GSPT1: variants seen among roughly 807,000 people sequenced by gnomAD.
The protein encoded by GSPT1 is G1 to S phase transition 1.
A neutral mutation model predicts 72.5 loss-of-function variants in GSPT1; 20 were observed. That is an observed-to-expected ratio of 0.28 (90% confidence interval 0.19 to 0.40). GSPT1 has a LOEUF of 0.40. GSPT1 is among the 10% of genes least tolerant of loss of function. The pLI, the probability that GSPT1 is intolerant of heterozygous loss-of-function variation, is 1.00. For synonymous variants in GSPT1, 334 were observed against 293.5 expected, an observed-to-expected ratio of 1.14 and a Z score of -1.41; for missense variants, 580 against 811.9, an observed-to-expected ratio of 0.71 and a Z score of 3.47.
At chr16:11,883,172 C>A in intron 10 of GSPT1, 77 bp from the exon 11 acceptor site, 1 of 838,634 alleles carries the variant, frequency 1.2e-6, no homozygotes, top group Non-Finnish European at 2.0e-6. Context: ...AAGTGAAATT[C>A]TACACTGCTT....
intron 11 of GSPT1, among the ~76,000 whole-genome samples, chr16:11,878,960 C>T (rs2054084171): frequency 6.6e-6 from 1 of 151,646 alleles, no homozygotes; most frequent in Non-Finnish European, 1.5e-5. Context: ...CCTGTAATCC[C>T]AGCTACTCAG....
chr16:11,878,377 A>C (rs929938310), intron 11 of GSPT1, among the ~76,000 whole-genome samples: 2 of 152,114 alleles, frequency 1.3e-5, no homozygotes, highest in South Asian at 2.1e-4. Flanking sequence ...TTGGCCTCCC[A>C]AAGTGCTCAG....
At chr16:11,895,985 C>G (rs1596468788) in intron 4 of GSPT1, among the ~76,000 whole-genome samples, 1 of 152,208 alleles carries the variant, frequency 6.6e-6, no homozygotes, top group Admixed American at 6.5e-5. Flanking sequence ...TGTTTCATAT[C>G]TGGGGGGAAG....
Position 11,873,298 on chromosome 16 carries a change from T to C in GSPT1, c.1862-127A>G, listed in dbSNP as rs2053999036. The C allele has an allele frequency of 7.2e-6, 4 of 558,780 alleles. No individual in the cohort carries two copies. The Admixed American group carries it at 1.1e-4, about 16-fold the overall frequency. 34.6% of individuals were successfully genotyped at this position (558,780 alleles called of 1,614,324 possible). A position where few individuals can be genotyped will look rare whatever the true frequency, so the allele number is the denominator to read the frequency against. Reference sequence around the variant, plus strand: ...TAAGTTACTAATTAACTAGCTTTACTGCCAAACCCATGATACTTCTATTTA... The same window carrying C: ...TAAGTTACTAATTAACTAGCTTTACCGCCAAACCCATGATACTTCTATTTA... On this transcript the variant is annotated intron_variant, in intron 14 of 14. Coordinates refer to ENST00000434724, the MANE Select transcript of GSPT1 (RefSeq NM_002094.4).
In GSPT1 at chr16:11,871,812, G is replaced by A. The variant is rs1309479758; in HGVS notation, c.*1307C>T. ...GCCTCCATTCCTCATTTATTCTCATGAAAAATTTCAAAGTCATGATAATTA... is the reference window on the plus strand; with the variant it reads ...GCCTCCATTCCTCATTTATTCTCATAAAAAATTTCAAAGTCATGATAATTA... On this transcript the variant is annotated 3_prime_UTR_variant, in exon 15 of 15. Transcript: ENST00000434724. The A allele has an allele frequency of 6.6e-6, 1 of 152,116 alleles. No homozygotes were observed. Among genetic ancestry groups the A allele is most frequent in the Non-Finnish European group, 1.5e-5 (1 of 68,020 alleles). The allele number at this position is 152,116 out of a possible 1,614,324, so 9.4% of individuals were successfully genotyped here.
intron 1 of GSPT1, among the ~76,000 whole-genome samples, chr16:11,910,890 C>T (rs958474845): frequency 2.0e-5 from 3 of 152,230 alleles, no homozygotes; most frequent in African/African-American, 4.8e-5. Flanking sequence ...TGGCACAGCA[C>T]AGCCCTAGAT....
At position 11,872,939 on chromosome 16, in the gene GSPT1, G is replaced by A. The variant is rs2053994885; in HGVS notation, c.*180C>T. 2.0e-6 allele frequency: 1 copy of A among 505,780 alleles called. No individual in the cohort carries two copies. Among genetic ancestry groups the A allele is most frequent in the African/African-American group, 1.9e-5 (1 of 52,876 alleles). 31.3% of individuals were successfully genotyped at this position (505,780 alleles called of 1,614,324 possible). A position where few individuals can be genotyped will look rare whatever the true frequency, so the allele number is the denominator to read the frequency against. ...GGAATCTTGGGAAAAATTCAACAGT[G>A]GCATAGCAGAGCTCTCAATATGAGA... On this transcript the variant is annotated 3_prime_UTR_variant, in exon 15 of 15. Transcript: ENST00000434724.
intron 1 of GSPT1, among the ~76,000 whole-genome samples, chr16:11,910,267 G>C (rs764715625): frequency 5.9e-5 from 9 of 152,196 alleles, no homozygotes; most frequent in Non-Finnish European, 1.3e-4. Context: ...ACAAGACTGA[G>C]AGGTTTTACG....
intron 14 of GSPT1, among the ~76,000 whole-genome samples, chr16:11,874,981 G>A (rs552260210): frequency 6.6e-6 from 1 of 152,330 alleles, no homozygotes; most frequent in Admixed American, 6.5e-5. Flanking sequence ...CACGAGGTCA[G>A]GAGATCAAGA....
intron 12 of GSPT1, 145 bp from the exon 13 acceptor site, chr16:11,876,320 G>C (rs1167421091): frequency 1.5e-6 from 1 of 657,040 alleles, no homozygotes; most frequent in Admixed American, 2.6e-5. Flanking sequence ...AGAGGTGATA[G>C]GTTTGTCTTA....
chr16:11,879,805 T>C (rs1179522214), intron 11 of GSPT1, among the ~76,000 whole-genome samples: 1 of 148,678 alleles, frequency 6.7e-6, no homozygotes, highest in Non-Finnish European at 1.5e-5. Flanking sequence ...TTTCATAAAA[T>C]ATCAAAGTAA....
chr16:11,900,047 G>T lies in GSPT1; in HGVS notation c.353-2012C>A, dbSNP rs2054386091. On this transcript the variant is annotated intron_variant, in intron 1 of 14. Coordinates refer to ENST00000434724, the MANE Select transcript of GSPT1 (RefSeq NM_002094.4). ...ACTCAATCCTATCAATATGTATTGA[G>T]TATCAGCCAGGCACGGTGGCTCACA... Among the ~76,000 whole-genome samples, 2 of 152,220 alleles carry T rather than the reference G, an allele frequency of 1.3e-5. 1 individual carries two copies. Among genetic ancestry groups the T allele is most frequent in the South Asian group, 4.1e-4 (2 of 4,824 alleles).
At position 11,871,518 on chromosome 16, in the gene GSPT1, G is replaced by A. The variant is rs1326990599; in HGVS notation, c.*1601C>T. 6.6e-6 allele frequency: 1 copy of A among 152,188 alleles called. No homozygotes were observed. Among genetic ancestry groups the A allele is most frequent in the Non-Finnish European group, 1.5e-5 (1 of 68,062 alleles). 9.4% of individuals were successfully genotyped at this position (152,188 alleles called of 1,614,324 possible). On this transcript the variant is annotated 3_prime_UTR_variant, in exon 15 of 15. Coordinates refer to ENST00000434724, the MANE Select transcript of GSPT1 (RefSeq NM_002094.4). ...GGAGGTGGAGGCTGCAGTGAGCTGA[G>A]ATCGAGCCACTGCACTCCAGCCTAG...
At chr16:11,878,431 C>G (rs72782759) in intron 11 of GSPT1, among the ~76,000 whole-genome samples, 1 of 151,810 alleles carries the variant, frequency 6.6e-6, no homozygotes, top group African/African-American at 2.4e-5. Flanking sequence ...CTCTTTGTTT[C>G]TAACAAAATA....
At chr16:11,904,467 G>T (rs760200650) in intron 1 of GSPT1, among the ~76,000 whole-genome samples, 4 of 152,138 alleles carry the variant, frequency 2.6e-5, no homozygotes, top group Non-Finnish European at 5.9e-5. Flanking sequence ...CTCCTAAAGT[G>T]CTGGGATTAC....
chr16:11,906,200 T>C (rs1311672215), intron 1 of GSPT1, among the ~76,000 whole-genome samples: 1 of 151,944 alleles, frequency 6.6e-6, no homozygotes, highest in Non-Finnish European at 1.5e-5. Flanking sequence ...CCACCACAAC[T>C]GGCCTCACTT....
chr16:11,882,845 C>A (rs576194869), intron 11 of GSPT1, among the ~76,000 whole-genome samples, 170 bp downstream of exon 11: 2 of 152,090 alleles, frequency 1.3e-5, no homozygotes, highest in East Asian at 3.9e-4. Flanking sequence ...AGCCTATAGT[C>A]CCAGCTACTT....
chr16:11,896,859 A>T, intron 3 of GSPT1, 74 bp from the exon 4 acceptor site: 1 of 980,280 alleles, frequency 1.0e-6, no homozygotes, highest in Non-Finnish European at 1.5e-6. Context: ...CTAGCTTTAA[A>T]ACAACAAATG....
At chr16:11,883,138 G>C (rs766070416) in intron 10 of GSPT1, 43 bp from the exon 11 acceptor site, 1 of 1,220,400 alleles carries the variant, frequency 8.2e-7, no homozygotes, top group East Asian at 2.3e-5. Context: ...ACTTCTTGGT[G>C]CTGTATAACA....
Sources: allele counts gnomAD v4.1 joint callset (sites outside exome capture counted in the v4.1 genomes callset), GRCh38; gene constraint gnomAD v4.1.1; transcripts MANE v1.5; gene names NCBI Gene and HGNC (gene_info 2026-07-23, HGNC 2026-07-21).